Variants in TNNI3K observed in about 807,000 individuals in gnomAD.
The protein encoded by TNNI3K is serine/threonine-protein kinase TNNI3K.
A neutral mutation model predicts 114.5 loss-of-function variants in TNNI3K; 140 were observed. The ratio of observed to expected loss-of-function variants is 1.22; its 90% CI spans 1.07 to 1.41. The LOEUF is 1.41. TNNI3K is among the 40% of genes most tolerant of loss of function. TNNI3K has a pLI of 0.00. For missense variants in TNNI3K, 1,125 were observed against 1,007.6 expected (o/e 1.12, Z -1.58); for synonymous variants, 347 against 347.5 (o/e 1.00, Z 0.02).
chr1:74,468,474 G>A (rs1329508558), intron 21 of TNNI3K: 1 of 152,058 alleles, frequency 6.6e-6, no homozygotes, highest in Admixed American at 6.6e-5. Flanking sequence ...CAGAGATAAT[G>A]AACAGAAATA....
At chr1:74,370,051 T>C (rs1457822905) in intron 16 of TNNI3K, 5 of 295,974 alleles carry the variant, frequency 1.7e-5, no homozygotes, top group Admixed American at 4.9e-5. Flanking sequence ...GTATTATAAA[T>C]AAATTATAAA....
chr1:74,361,510 C>T (rs1357792808), intron 11 of TNNI3K, among the ~76,000 whole-genome samples: 1 of 152,040 alleles, frequency 6.6e-6, no homozygotes, highest in Admixed American at 6.6e-5. Context: ...ATTCGTTCAA[C>T]AAAAATGTAT....
intron 4 of TNNI3K, among the ~76,000 whole-genome samples, chr1:74,269,461 A>G (rs542861108): frequency 2.0e-5 from 3 of 152,002 alleles, no homozygotes; most frequent in African/African-American, 4.8e-5. Context: ...AGGAAAATGT[A>G]TCTAATTGTA....
intron 23 of TNNI3K, among the ~76,000 whole-genome samples, chr1:74,506,481 C>T (rs553427586): frequency 6.6e-6 from 1 of 152,318 alleles, no homozygotes; most frequent in East Asian, 1.9e-4. Flanking sequence ...GACAAGAGAG[C>T]TGCTCTCATA....
intron 23 of TNNI3K, among the ~76,000 whole-genome samples, chr1:74,492,500 C>A (rs564537907): frequency 6.8e-4 from 104 of 152,196 alleles, no homozygotes; most frequent in African/African-American, 2.4e-3. Flanking sequence ...AAGTAAGACA[C>A]GTCTATTTCA....
chr1:74,532,968 T>G (rs1206885927), intron 23 of TNNI3K, among the ~76,000 whole-genome samples: 3 of 152,068 alleles, frequency 2.0e-5, no homozygotes, highest in Non-Finnish European at 2.9e-5. Flanking sequence ...AGCCCTAGAA[T>G]AAAACCTAGG....
chr1:74,363,092 A>G (rs1662055996), intron 11 of TNNI3K, among the ~76,000 whole-genome samples: 1 of 152,114 alleles, frequency 6.6e-6, no homozygotes, highest in African/African-American at 2.4e-5. Flanking sequence ...GAGGTATTCC[A>G]TTAGTGTGCC....
intron 5 of TNNI3K, among the ~76,000 whole-genome samples, chr1:74,313,605 G>A (rs1659119998): frequency 6.6e-6 from 1 of 152,068 alleles, no homozygotes; most frequent in Non-Finnish European, 1.5e-5. Flanking sequence ...TAGTACTCTT[G>A]GGACTCCCAA....
chr1:74,471,139 G>T, intron 21 of TNNI3K: 1 of 400,734 alleles, frequency 2.5e-6, no homozygotes, highest in South Asian at 1.3e-4. Flanking sequence ...GTGGCCAGCT[G>T]AGTAACAGCT....
At chr1:74,335,768 T>A (rs1026780978) in intron 6 of TNNI3K, among the ~76,000 whole-genome samples, 1 of 152,286 alleles carries the variant, frequency 6.6e-6, no homozygotes, top group African/African-American at 2.4e-5. Flanking sequence ...GCTGCAGCTC[T>A]CTTACTACCA....
At chr1:74,524,120 T>C (rs924212025) in intron 23 of TNNI3K, among the ~76,000 whole-genome samples, 1 of 152,226 alleles carries the variant, frequency 6.6e-6, no homozygotes, top group Non-Finnish European at 1.5e-5. Flanking sequence ...CACAGTCCAG[T>C]AGTATTTGTG....
intron 17 of TNNI3K, among the ~76,000 whole-genome samples, chr1:74,392,932 T>C (rs1440498240): frequency 6.6e-6 from 1 of 152,238 alleles, no homozygotes; most frequent in East Asian, 1.9e-4. Context: ...ATCTAGAGTT[T>C]CTGGGAACAT....
In TNNI3K at chr1:74,369,027, G is replaced by A; in HGVS notation, c.1327G>A (p.Ala443Thr). 1.2e-6 allele frequency: 2 copies of A among 1,600,268 alleles called. No individual in the cohort carries two copies. Among genetic ancestry groups the A allele is most frequent in the Non-Finnish European group, 8.5e-7 (1 of 1,175,028 alleles). Reference sequence around the variant, plus strand: ...ATGACAATTTCTCTTTGCAGAGAAGGCAGATATTCTCCTCCTAAGAGCTGG... The same window carrying A: ...ATGACAATTTCTCTTTGCAGAGAAGACAGATATTCTCCTCCTAAGAGCTGG... Reference protein sequence around the residue: ...GKIKSMTKEKADILLLRAGLP... With the variant: ...GKIKSMTKEKTDILLLRAGLP... Residue 443 changes from alanine to threonine, a missense_variant, in exon 14 of 25, where the codon GCA becomes ACA. Physicochemically the swap from Ala to Thr is moderately conservative, Grantham distance 58 (BLOSUM62 0). Coordinates refer to ENST00000326637, the MANE Select transcript of TNNI3K (RefSeq NM_015978.3).
chr1:74,449,227 C>G (rs1250211342), intron 20 of TNNI3K, among the ~76,000 whole-genome samples: 1 of 151,936 alleles, frequency 6.6e-6, no homozygotes, highest in African/African-American at 2.4e-5. Context: ...TCCATTTCTT[C>G]TAGATTTTCC....
intron 17 of TNNI3K, among the ~76,000 whole-genome samples, chr1:74,398,505 C>G (rs1341003562): frequency 1.3e-5 from 2 of 152,158 alleles, no homozygotes; most frequent in Non-Finnish European, 2.9e-5. Context: ...AGGGAGACCT[C>G]TTGGGTTAAG....
chr1:74,424,536 T>C (rs1000621331), intron 17 of TNNI3K, among the ~76,000 whole-genome samples: 2 of 151,954 alleles, frequency 1.3e-5, no homozygotes, highest in Non-Finnish European at 2.9e-5. Context: ...CTGGCCAGCA[T>C]GATGAAACCC....
intron 4 of TNNI3K, among the ~76,000 whole-genome samples, chr1:74,270,368 G>GA (rs926573964): frequency 1.6e-3 from 223 of 143,250 alleles, no homozygotes; most frequent in Non-Finnish European, 2.2e-3. Context: ...GCTTCAGTGG[G>GA]AAAAAAAAAA....
At chr1:74,396,920 A>G (rs1270102559) in intron 17 of TNNI3K, among the ~76,000 whole-genome samples, 1 of 152,230 alleles carries the variant, frequency 6.6e-6, no homozygotes, top group Non-Finnish European at 1.5e-5. Flanking sequence ...TGATATTACT[A>G]AGAAGCTGCA....
At chr1:74,270,702 T>C (rs1656290071) in intron 4 of TNNI3K, among the ~76,000 whole-genome samples, 1 of 151,808 alleles carries the variant, frequency 6.6e-6, no homozygotes, top group South Asian at 2.1e-4. Flanking sequence ...CACTGGCCTA[T>C]CTTATGACTT....
Sources: allele counts gnomAD v4.1 joint callset (sites outside exome capture counted in the v4.1 genomes callset), GRCh38; gene constraint gnomAD v4.1.1; transcripts MANE v1.5; gene names NCBI Gene and HGNC (gene_info 2026-07-23, HGNC 2026-07-21).